ITPR2: variants seen among roughly 807,000 people sequenced by gnomAD.
The protein encoded by ITPR2 is inositol 1,4,5-trisphosphate-gated calcium channel ITPR2.
ITPR2 carries 207 observed loss-of-function variants against 317.1 expected under a neutral mutation model. The observed-to-expected ratio is 0.65, with a 90% CI of 0.58 to 0.73. The LOEUF is 0.73. ITPR2 is among the 30% of genes least tolerant of loss of function. The probability of loss-of-function intolerance (pLI) is 0.00; values close to 1 mark genes in which losing one functional copy is unlikely to be tolerated. For synonymous variants in ITPR2, 1,156 were observed against 1,149.1 expected (o/e 1.01, Z -0.12); for missense variants, 2,613 against 3,284.0 (o/e 0.80, Z 4.99).
chr12:26,666,863 A>C (rs1947642397), intron 13 of ITPR2, among the ~76,000 whole-genome samples: 1 of 152,112 alleles, frequency 6.6e-6, no homozygotes, highest in African/African-American at 2.4e-5. Flanking sequence ...CCTGCTCTTT[A>C]TCATTTTCCA....
Position 26,528,520 on chromosome 12 carries a change from A to T in ITPR2, c.5073+21727T>A, listed in dbSNP as rs78440544. Among the ~76,000 whole-genome samples, 976 of 152,360 alleles carry T rather than the reference A, an allele frequency of 6.4e-3. 6 individuals carry two copies. Among genetic ancestry groups the T allele is most frequent in the Non-Finnish European group, 0.01 (682 of 68,032 alleles). ...TTGTACTGAAATGCCATTTCTTCAC[A>T]GGTCACTGAAAACCTGCTCAAAATA... On this transcript the variant is annotated intron_variant, in intron 37 of 56. Coordinates refer to ENST00000381340, the MANE Select transcript of ITPR2 (RefSeq NM_002223.4).
chr12:26,602,575 T>G (rs766687018), intron 27 of ITPR2, 42 bp downstream of exon 27: 4 of 1,564,636 alleles, frequency 2.6e-6, no homozygotes, highest in Non-Finnish European at 3.5e-6. Context: ...TTATTTGGCA[T>G]GCAAATATAA....
At chr12:26,701,154 G>A (rs1434174902) in intron 9 of ITPR2, among the ~76,000 whole-genome samples, 1 of 151,988 alleles carries the variant, frequency 6.6e-6, no homozygotes, top group African/African-American at 2.4e-5. Flanking sequence ...GATAGAGAGA[G>A]AGAAACATCA....
intron 55 of ITPR2, among the ~76,000 whole-genome samples, chr12:26,384,074 G>A (rs1326326862): frequency 6.6e-6 from 1 of 152,180 alleles, no homozygotes; most frequent in Non-Finnish European, 1.5e-5. Flanking sequence ...AATAAGAGTG[G>A]CAGAAAATGT....
chr12:26,451,365 T>TCACACACACA (rs57642539), intron 45 of ITPR2, among the ~76,000 whole-genome samples: 3,928 of 136,348 alleles, frequency 0.029, 164 homozygotes, highest in African/African-American at 0.075. Context: ...TTCTCTCATA[T>TCACACACACA]CACACACACA....
At position 26,486,245 on chromosome 12, in the gene ITPR2, G is replaced by T; in HGVS notation, c.5670C>A (p.Asp1890Glu). ...VYRREMDPEIDIMCTGPEAGN... is the reference protein window; with the variant it reads ...VYRREMDPEIEIMCTGPEAGN... ...CCGCTTCTGGTCCTGTGCACATAAT[G>T]TCTATTTCTGGATCCATTTCTCTTC... The change falls in exon 41 of 57, where the codon GAC becomes GAA. Residue 1890 changes from aspartate to glutamate, a missense_variant. By Grantham distance (45) the Asp-to-Glu change is conservative. Coordinates refer to ENST00000381340, the MANE Select transcript of ITPR2 (RefSeq NM_002223.4). The T allele has an allele frequency of 3.7e-6, 6 of 1,614,074 alleles. No homozygotes were observed. Among genetic ancestry groups the T allele is most frequent in the Non-Finnish European group, 3.4e-6 (4 of 1,180,006 alleles).
At chr12:26,501,881 C>T (rs1236744333) in intron 37 of ITPR2, among the ~76,000 whole-genome samples, 1 of 152,156 alleles carries the variant, frequency 6.6e-6, no homozygotes, top group African/African-American at 2.4e-5. Context: ...GCACTGTTTT[C>T]CAATATAAAT....
chr12:26,687,926 T>A (rs1204160043), intron 10 of ITPR2, among the ~76,000 whole-genome samples: 1 of 152,174 alleles, frequency 6.6e-6, no homozygotes, highest in Non-Finnish European at 1.5e-5. Flanking sequence ...TATTTGTAAA[T>A]ATAAACTCTG....
chr12:26,493,282 T>C (rs1194398412), intron 39 of ITPR2, among the ~76,000 whole-genome samples: 1 of 152,230 alleles, frequency 6.6e-6, no homozygotes, highest in Non-Finnish European at 1.5e-5. Flanking sequence ...TATTGTTCAA[T>C]GTATTTGATG....
chr12:26,406,441 T>G (rs1259558525), intron 52 of ITPR2: 11 of 150,126 alleles, frequency 7.3e-5, no homozygotes, highest in African/African-American at 9.7e-5. Flanking sequence ...TTTTTTTTTT[T>G]TTTTTTTTTT....
chr12:26,347,797 G>A (rs1215986810), intron 55 of ITPR2, among the ~76,000 whole-genome samples: 3 of 152,198 alleles, frequency 2.0e-5, no homozygotes, highest in African/African-American at 7.2e-5. Flanking sequence ...CTCTAGGTAT[G>A]GTATCACGGA....
chr12:26,677,300 A>G (rs1947929920), intron 13 of ITPR2, among the ~76,000 whole-genome samples: 1 of 152,244 alleles, frequency 6.6e-6, no homozygotes, highest in African/African-American at 2.4e-5. Context: ...TTAAACTTGC[A>G]AATGAAAATA....
At chr12:26,687,086 G>T (rs1272794338) in intron 10 of ITPR2, among the ~76,000 whole-genome samples, 6 of 152,138 alleles carry the variant, frequency 3.9e-5, no homozygotes, top group Admixed American at 3.3e-4. Context: ...AGAATCAACA[G>T]CAACATTCCC....
At chr12:26,439,356 G>A in intron 46 of ITPR2, 37 bp from the exon 47 acceptor site, 1 of 1,428,596 alleles carries the variant, frequency 7.0e-7, no homozygotes. Flanking sequence ...TAGCCTTTCG[G>A]ACACCTCAGT....
At chr12:26,441,844 A>C (rs1375609369) in intron 46 of ITPR2, among the ~76,000 whole-genome samples, 1 of 152,120 alleles carries the variant, frequency 6.6e-6, no homozygotes, top group African/African-American at 2.4e-5. Context: ...ATCCTTTTCC[A>C]CACCATTTTC....
intron 1 of ITPR2, among the ~76,000 whole-genome samples, chr12:26,814,731 T>A (rs1382150399): frequency 6.6e-6 from 1 of 152,228 alleles, no homozygotes; most frequent in Non-Finnish European, 1.5e-5. Flanking sequence ...ATACTAAGTT[T>A]CCAATAAACA....
intron 2 of ITPR2, among the ~76,000 whole-genome samples, chr12:26,760,580 C>T (rs929151604): frequency 1.3e-5 from 2 of 152,098 alleles, no homozygotes; most frequent in South Asian, 4.2e-4. Context: ...AGCCCTAATG[C>T]CCTAACAAAT....
chr12:26,647,419 A>G lies in ITPR2; in HGVS notation c.2740+6557T>C, dbSNP rs1591994553. On this transcript the variant is annotated intron_variant, in intron 21 of 56. Transcript: ENST00000381340. The stretch of plus-strand genomic sequence containing the variant: ...AATAAAATATACCCATGCTGTTGTA[A>G]AAGAAAAAAGGGCTCTTAATTATTA... Among the ~76,000 whole-genome samples the G allele has an allele frequency of 2.6e-5, 4 of 152,382 alleles. No homozygotes were observed. In the South Asian group the frequency reaches 8.3e-4, roughly 32 times the overall value.
rs780511857 is a variant in ITPR2 at position 26,589,853 on chromosome 12, T to TATATATACAC, written c.4380+5611_4380+5612insGTGTATATAT. Among the ~76,000 whole-genome samples, 91 of 57,312 alleles carry TATATATACAC rather than the reference T, an allele frequency of 1.6e-3. 1 individual carries two copies. Among genetic ancestry groups the TATATATACAC allele is most frequent in the African/African-American group, 3.6e-3 (63 of 17,676 alleles). The allele number at this position is 57,312 out of a possible 152,430, so 37.6% of individuals were successfully genotyped here. A position where few individuals can be genotyped will look rare whatever the true frequency, so the allele number is the denominator to read the frequency against. ...ATAAACATATATATATATATATATA[T>TATATATACAC]ACACACACACACACACACACACACA... On this transcript the variant is annotated intron_variant, in intron 32 of 56. Transcript: ENST00000381340.
Sources: allele counts gnomAD v4.1 joint callset (sites outside exome capture counted in the v4.1 genomes callset), GRCh38; gene constraint gnomAD v4.1.1; transcripts MANE v1.5; gene names NCBI Gene and HGNC (gene_info 2026-07-23, HGNC 2026-07-21).